Variants in EPHB1 observed in about 807,000 individuals in gnomAD.
EPHB1 encodes EPH receptor B1, also known as ephrin type-B receptor 1.
EPHB1 carries 30 observed loss-of-function variants against 94.4 expected under a neutral mutation model. The observed-to-expected ratio is 0.32, with a 90% CI of 0.24 to 0.43. EPHB1 has a LOEUF of 0.43. EPHB1 is among the 20% of genes least tolerant of loss of function. The pLI, the probability that EPHB1 is intolerant of heterozygous loss-of-function variation, is 1.00. For synonymous variants in EPHB1, 522 were observed against 489.1 expected (o/e 1.07, Z -0.89); for missense variants, 1,055 against 1,308.3 (o/e 0.81, Z 2.99).
At chr3:135,205,615 T>A (rs1942880920) in intron 12 of EPHB1, among the ~76,000 whole-genome samples, 1 of 152,212 alleles carries the variant, frequency 6.6e-6, no homozygotes, top group South Asian at 2.1e-4. Flanking sequence ...CCACATTTTA[T>A]TTTGAAAAAT....
At chr3:134,860,771 C>CCA (rs36192629) in intron 1 of EPHB1, among the ~76,000 whole-genome samples, 77,704 of 142,956 alleles carry the variant, frequency 0.54, 23,871 homozygotes, top group East Asian at 0.8. Context: ...CGAGATTGTG[C>CCA]CACTGCACTC....
intron 3 of EPHB1, among the ~76,000 whole-genome samples, chr3:135,074,206 T>C (rs557876183): frequency 6.6e-6 from 1 of 152,382 alleles, no homozygotes; most frequent in South Asian, 2.1e-4. Context: ...TCTGTCTTGA[T>C]CAGTTTTCAA....
chr3:135,082,278 G>A (rs1440653372), intron 3 of EPHB1, among the ~76,000 whole-genome samples: 2 of 152,224 alleles, frequency 1.3e-5, no homozygotes, highest in Non-Finnish European at 2.9e-5. Flanking sequence ...GGGCTGGGCA[G>A]GACCTTGGAC....
At chr3:134,907,150 A>C (rs1291537938) in intron 1 of EPHB1, among the ~76,000 whole-genome samples, 1 of 152,234 alleles carries the variant, frequency 6.6e-6, no homozygotes, top group Non-Finnish European at 1.5e-5. Context: ...CGTGGGAAAC[A>C]GGTATATTGC....
chr3:134,963,177 C>CCTTCCTTCCTT (rs1180695460), intron 3 of EPHB1, among the ~76,000 whole-genome samples: 3 of 139,778 alleles, frequency 2.1e-5, no homozygotes, highest in Non-Finnish European at 4.5e-5. Context: ...TTCCTTCCTT[C>CCTTCCTTCCTT]CTTCCTTCTT....
chr3:134,933,387 A>G (rs185523544), intron 2 of EPHB1, among the ~76,000 whole-genome samples: 59 of 151,984 alleles, frequency 3.9e-4, no homozygotes, highest in African/African-American at 1.4e-3. Flanking sequence ...AATCCCTCTC[A>G]TGCTCACTCT....
intron 10 of EPHB1, among the ~76,000 whole-genome samples, chr3:135,190,040 C>A (rs1942417260): frequency 6.6e-6 from 1 of 152,228 alleles, no homozygotes; most frequent in African/African-American, 2.4e-5. Context: ...TTCCCCATGT[C>A]CCTGCCAACT....
At chr3:135,060,287 T>G (rs1412349890) in intron 3 of EPHB1, among the ~76,000 whole-genome samples, 1 of 152,228 alleles carries the variant, frequency 6.6e-6, no homozygotes, top group Non-Finnish European at 1.5e-5. Flanking sequence ...GTATGTAATC[T>G]TTTGTGACTG....
At chr3:134,895,037 C>T (rs552548914) in intron 1 of EPHB1, among the ~76,000 whole-genome samples, 1 of 152,360 alleles carries the variant, frequency 6.6e-6, no homozygotes, top group Non-Finnish European at 1.5e-5. Context: ...GCTTTTCACT[C>T]TCTCATGCAC....
intron 3 of EPHB1, among the ~76,000 whole-genome samples, chr3:135,071,145 C>T (rs996104430): frequency 6.6e-6 from 1 of 152,172 alleles, no homozygotes; most frequent in Non-Finnish European, 1.5e-5. Flanking sequence ...TCTGCTATGG[C>T]ACAAGGCTTT....
At chr3:135,167,465 A>G (rs1190338583) in intron 9 of EPHB1, among the ~76,000 whole-genome samples, 1 of 152,258 alleles carries the variant, frequency 6.6e-6, no homozygotes, top group Non-Finnish European at 1.5e-5. Context: ...CCAAGAGGCC[A>G]AAGTGCTGGG....
At chr3:135,020,855 A>G (rs1935964696) in intron 3 of EPHB1, among the ~76,000 whole-genome samples, 1 of 152,184 alleles carries the variant, frequency 6.6e-6, no homozygotes, top group African/African-American at 2.4e-5. Flanking sequence ...TAATTCTTCA[A>G]TCTACCTGGA....
chr3:134,975,859 A>G (rs1934170473), intron 3 of EPHB1, among the ~76,000 whole-genome samples: 1 of 152,138 alleles, frequency 6.6e-6, no homozygotes, highest in South Asian at 2.1e-4. Context: ...TATTGGCCAC[A>G]TTAAATCTTC....
intron 1 of EPHB1, among the ~76,000 whole-genome samples, chr3:134,880,171 T>G (rs1285799521): frequency 6.6e-6 from 1 of 152,178 alleles, no homozygotes; most frequent in Non-Finnish European, 1.5e-5. Context: ...ACATTACCCA[T>G]GGAGCAAAAG....
intron 1 of EPHB1, among the ~76,000 whole-genome samples, chr3:134,810,922 T>A (rs1313239121): frequency 6.6e-6 from 1 of 152,184 alleles, no homozygotes; most frequent in African/African-American, 2.4e-5. Flanking sequence ...CCTGAGTATT[T>A]GCTGAGTTGA....
intron 3 of EPHB1, among the ~76,000 whole-genome samples, chr3:135,082,980 C>T (rs568991548): frequency 9.9e-5 from 15 of 152,224 alleles, no homozygotes; most frequent in African/African-American, 2.6e-4. Flanking sequence ...GAAGTGCTTC[C>T]GTGCGAGGGG....
chr3:135,067,905 G>C (rs889595699), intron 3 of EPHB1: 1 of 152,204 alleles, frequency 6.6e-6, no homozygotes, highest in Non-Finnish European at 1.5e-5. Flanking sequence ...TCTCTAAATT[G>C]ACTCAGCTCC....
Position 135,092,470 on chromosome 3 carries a change from G to T in EPHB1, c.806-13978G>T, listed in dbSNP as rs141690455. Among the ~76,000 whole-genome samples, 1,426 of 152,248 alleles carry T rather than the reference G, an allele frequency of 9.4e-3. 11 individuals are homozygous for T. The highest frequency in any genetic ancestry group is 0.041 in the South Asian group (196 of 4,820). On this transcript the variant is annotated intron_variant, in intron 3 of 15. Transcript: ENST00000398015. The stretch of plus-strand genomic sequence containing the variant: ...ACAGGTTCCTCCCCGCTGCCCTCTA[G>T]CATGGGCTTACCACTTCCTTTACCT...
chr3:134,882,758 C>T (rs1405925183), intron 1 of EPHB1, among the ~76,000 whole-genome samples: 4,918 of 107,272 alleles, frequency 0.046, 176 homozygotes, highest in South Asian at 0.062. Context: ...TCCTTTCTTC[C>T]TTCCTTCCTT....
Sources: gnomAD v4.1 joint callset for allele counts (sites outside exome capture counted in the v4.1 genomes callset) on GRCh38, gnomAD v4.1.1 for gene constraint, MANE v1.5 for transcripts, NCBI Gene and HGNC (gene_info 2026-07-23, HGNC 2026-07-21) for gene names.